HECTD4: variants seen among roughly 807,000 people sequenced by gnomAD.
HECTD4 encodes the protein HECT domain E3 ubiquitin protein ligase 4.
In HECTD4, 114 loss-of-function variants were observed where a neutral mutation model predicts 471.5. That is an observed-to-expected ratio of 0.24 (90% CI 0.21 to 0.28). The LOEUF is 0.28. Among genes scored for constraint, HECTD4 ranks in the 10% least tolerant of loss-of-function variants. The pLI is 1.00. For missense variants in HECTD4, 3,866 were observed against 5,651.5 expected (o/e 0.68, Z 10.13); for synonymous variants, 2,012 against 2,256.0 (o/e 0.89, Z 3.07).
At chr12:112,327,268 G>A (rs2035764092) in intron 1 of HECTD4, among the ~76,000 whole-genome samples, 1 of 152,178 alleles carries the variant, frequency 6.6e-6, no homozygotes, top group African/African-American at 2.4e-5. Flanking sequence ...AGTAAGCCAA[G>A]ATCGTGCTAC....
At chr12:112,196,736 A>T (rs959676762) in intron 55 of HECTD4, among the ~76,000 whole-genome samples, 1 of 152,052 alleles carries the variant, frequency 6.6e-6, no homozygotes, top group Non-Finnish European at 1.5e-5. Flanking sequence ...GACTACAGAC[A>T]TGCGCCACTG....
intron 15 of HECTD4, 100 bp from the exon 16 acceptor site, chr12:112,265,395 A>G (rs2034245594): frequency 7.9e-6 from 6 of 759,156 alleles, no homozygotes; most frequent in African/African-American, 1.8e-5. Context: ...TAAAAGATAC[A>G]TAATTGATTC....
chr12:112,214,717 C>T (rs1003364533), intron 48 of HECTD4, among the ~76,000 whole-genome samples: 2 of 152,220 alleles, frequency 1.3e-5, no homozygotes, highest in African/African-American at 2.4e-5. Flanking sequence ...CACCCCCTGA[C>T]ATACACCCTT....
intron 1 of HECTD4, among the ~76,000 whole-genome samples, chr12:112,338,556 G>A (rs2035998923): frequency 6.6e-6 from 1 of 152,092 alleles, no homozygotes; most frequent in Non-Finnish European, 1.5e-5. Flanking sequence ...GGAGGCGCAG[G>A]TTGGAGTGAG....
rs755371870 is a variant in HECTD4 at position 112,235,493 on chromosome 12, G to T, written c.5725+11C>A. 1 of 1,598,624 alleles carries T rather than the reference G, an allele frequency of 6.3e-7. No homozygotes were observed. Among genetic ancestry groups the T allele is most frequent in the East Asian group, 2.2e-5 (1 of 44,746 alleles). ...ACTGCCATGCTACTCTCCTGTTGAG[G>T]AGCTTCTCACCTGGAACCACATAAT... is the stretch of plus-strand genomic sequence containing the variant. On this transcript the variant is annotated intron_variant, in intron 36 of 75. Transcript: ENST00000682272. This position sits in a 1 kb window ranked among gnomAD's most constrained non-coding sequence, Gnocchi z 5.0.
intron 22 of HECTD4, among the ~76,000 whole-genome samples, chr12:112,253,315 G>C (rs1158277565): frequency 6.6e-6 from 1 of 151,424 alleles, no homozygotes; most frequent in African/African-American, 2.4e-5. Flanking sequence ...AGTAGAGACA[G>C]GGTTTCATCA....
chr12:112,179,449 C>T lies in HECTD4; in HGVS notation c.10988-52G>A. 2 of 1,468,366 alleles carry T rather than the reference C, an allele frequency of 1.4e-6. No homozygotes were observed. Among genetic ancestry groups the T allele is most frequent in the Non-Finnish European group, 1.9e-6 (2 of 1,066,134 alleles). 91.0% of individuals were successfully genotyped at this position (1,468,366 alleles called of 1,614,324 possible). ...ATTCTGCCGTGAACATGCATCGGGA[C>T]AAGCCCTGCGAGCATTCTGTTTCCA... is the stretch of plus-strand genomic sequence containing the variant. On this transcript the variant is annotated intron_variant, in intron 62 of 75. Transcript: ENST00000682272. This position sits in a 1 kb window ranked among gnomAD's most constrained non-coding sequence, Gnocchi z 4.3.
intron 14 of HECTD4, 44 bp from the exon 15 acceptor site, chr12:112,266,027 C>T (rs1466247564): frequency 7.6e-7 from 1 of 1,319,514 alleles, no homozygotes; most frequent in Non-Finnish European, 1.1e-6. Flanking sequence ...GTAATGACTC[C>T]TAGAATACTG....
rs1394064978 is a variant in HECTD4 at position 112,265,938 on chromosome 12, G to A, written c.2438C>T (p.Thr813Ile). The A allele has an allele frequency of 6.2e-7, 1 of 1,613,846 alleles. No individual in the cohort carries two copies. Residue 813 changes from threonine (T) to isoleucine (I), a missense_variant, in exon 15 of 76, where the codon ACC (threonine) becomes ATC (isoleucine). Around this residue, in one of 16 missense-constraint regions of HECTD4, gnomAD observed 525 missense variants for 672.6 expected, o/e 0.78. Transcript: ENST00000682272. ...GTTTTGGAGCTGTTCAGCCAGGTTGGTTAGGATCACATCCCGTAGCTGGGA... is the reference window on the plus strand; with the variant it reads ...GTTTTGGAGCTGTTCAGCCAGGTTGATTAGGATCACATCCCGTAGCTGGGA... ...GLSQLRDVIL[T>I]NLAEQLQNNR...
intron 29 of HECTD4, among the ~76,000 whole-genome samples, chr12:112,246,014 C>T (rs1280202781): frequency 6.6e-6 from 1 of 152,054 alleles, no homozygotes; most frequent in Non-Finnish European, 1.5e-5. Context: ...CGCCTGTAAT[C>T]CCACCTACCT....
intron 17 of HECTD4, among the ~76,000 whole-genome samples, chr12:112,262,314 C>CA (rs1223470043): frequency 2.0e-5 from 3 of 151,822 alleles, no homozygotes; most frequent in African/African-American, 7.3e-5. Flanking sequence ...AGTTCAAGAC[C>CA]AGTCTGGACA....
At chr12:112,187,771 C>T (rs750172399) in intron 60 of HECTD4, among the ~76,000 whole-genome samples, 4 of 151,302 alleles carry the variant, frequency 2.6e-5, no homozygotes, top group Non-Finnish European at 4.4e-5. Flanking sequence ...GGACCACAGG[C>T]GCCCGCTATC....
chr12:112,280,240 T>C (rs2034608438), intron 8 of HECTD4, among the ~76,000 whole-genome samples: 4 of 152,220 alleles, frequency 2.6e-5, no homozygotes, highest in Admixed American at 1.3e-4. Flanking sequence ...TTTTCTTTTT[T>C]TTAAGGGTCA....
chr12:112,233,827 G>A (rs912482717), intron 37 of HECTD4, among the ~76,000 whole-genome samples: 10 of 146,276 alleles, frequency 6.8e-5, no homozygotes, highest in African/African-American at 7.8e-5. Flanking sequence ...GAGCCACAGC[G>A]CCTGGCCTAT....
Position 112,246,935 on chromosome 12 carries a change from C to T in HECTD4, c.4479G>A (p.Thr1493=), listed in dbSNP as rs1430449534. Residue 1493 remains threonine (T), a synonymous_variant, in exon 29 of 76, where the codon ACG becomes ACA. Transcript: ENST00000682272. ...CAGCAGGGGTCCCAGAGATGCTTCT[C>T]GTGAGGCCCGACTGGGCTGCGATGG... ...HVTIAAQSGL[T]RSISGTPAET... is the part of the protein sequence containing the mutation. 3.1e-6 allele frequency: 5 copies of T among 1,612,044 alleles called. No individual in the cohort carries two copies. The highest frequency in any genetic ancestry group is 4.2e-6 in the Non-Finnish European group (5 of 1,179,830).
chr12:112,217,316 C>T (rs1002189319), intron 45 of HECTD4, 121 bp from the exon 46 acceptor site: 18 of 524,798 alleles, frequency 3.4e-5, no homozygotes, highest in South Asian at 4.5e-5. Context: ...CACACACACA[C>T]ATACACACAC....
At chr12:112,232,179 A>G (rs1311765825) in intron 38 of HECTD4, among the ~76,000 whole-genome samples, 2 of 152,112 alleles carry the variant, frequency 1.3e-5, no homozygotes, top group Admixed American at 1.3e-4. Flanking sequence ...TGCCCAGACT[A>G]GAGTGCAGTG....
intron 37 of HECTD4, among the ~76,000 whole-genome samples, chr12:112,233,665 AAAT>A (rs758328773): frequency 5.9e-5 from 9 of 152,206 alleles, no homozygotes; most frequent in Non-Finnish European, 1.2e-4. Context: ...ATCCAGATGA[AAAT>A]AATGCACAAA....
intron 1 of HECTD4, among the ~76,000 whole-genome samples, chr12:112,361,378 T>C (rs2036446156): frequency 6.6e-6 from 1 of 152,096 alleles, no homozygotes; most frequent in Admixed American, 6.6e-5. Flanking sequence ...CAAGCGATCC[T>C]CCCACCTCAG....
Sources: gnomAD v4.1 joint callset for allele counts (sites outside exome capture counted in the v4.1 genomes callset) on GRCh38, gnomAD v4.1.1 for gene constraint, gnomAD v4.1.1 regional missense constraint, Gnocchi (gnomAD v3.1) non-coding constraint, MANE v1.5 for transcripts, NCBI Gene and HGNC (gene_info 2026-07-23, HGNC 2026-07-21) for gene names.